The following ELP4 variants were observed in gnomAD, a reference collection of about 807,000 sequenced individuals.
ELP4 encodes elongator acetyltransferase complex subunit 4.
ELP4 carries 51 observed loss-of-function variants against 48.9 expected under a neutral mutation model. The observed-to-expected ratio is 1.04, with a 90% confidence interval of 0.83 to 1.32. The LOEUF (loss-of-function observed/expected upper bound fraction) is 1.32, where lower values mean the gene tolerates loss of function less well. Ranked by LOEUF, ELP4 falls within the 40% of genes most tolerant of loss-of-function variation. The pLI, the probability that ELP4 is intolerant of heterozygous loss-of-function variation, is 0.00. For missense variants in ELP4, 519 were observed against 514.6 expected (o/e 1.01, Z -0.08); for synonymous variants, 210 against 189.2 (o/e 1.11, Z -0.90).
In ELP4 at chr11:31,619,063, T is replaced by G. The variant is rs545514348; in HGVS notation, c.654-8047T>G. ...TTGGAGGCACTGAATTTTAGAAAAT[T>G]TAAGGGGTTTGGTGCAGAAAAATAG... On this transcript the variant is annotated intron_variant, in intron 5 of 9. Coordinates refer to ENST00000640961, the MANE Select transcript of ELP4 (RefSeq NM_019040.5). 3.9e-5 allele frequency among the ~76,000 whole-genome samples: 6 copies of G among 152,032 alleles called. No individual in the cohort carries two copies. In the East Asian group the frequency reaches 9.7e-4, roughly 25 times the overall value.
chr11:31,548,925 C>T (rs1184566333), intron 3 of ELP4, among the ~76,000 whole-genome samples: 5 of 152,036 alleles, frequency 3.3e-5, no homozygotes, highest in Non-Finnish European at 7.4e-5. Flanking sequence ...GGAAAACTGG[C>T]TAGCCATATG....
rs1592241356 is a variant in ELP4 at position 31,707,215 on chromosome 11, A to G, written c.1143+56994A>G. The G allele has an allele frequency of 7.8e-6, 3 of 382,542 alleles. No homozygotes were observed. The East Asian group carries it at 1.1e-4, about 14-fold the overall frequency. The allele number at this position is 382,542 out of a possible 1,614,324, so 23.7% of individuals were successfully genotyped here. On this transcript the variant is annotated intron_variant, in intron 9 of 9. Coordinates refer to ENST00000640961, the MANE Select transcript of ELP4 (RefSeq NM_019040.5). The stretch of plus-strand genomic sequence containing the variant: ...TCCCACCAACAGTGTAATACGTAAT[A>G]TTTAATACCAGATATATATAATTTC...
chr11:31,680,089 A>G (rs557634343), intron 9 of ELP4, among the ~76,000 whole-genome samples: 2 of 152,212 alleles, frequency 1.3e-5, no homozygotes, highest in East Asian at 1.9e-4. Flanking sequence ...CATTTCTACA[A>G]TCATAGAGGG....
chr11:31,673,829 T>C (rs1045172534), intron 9 of ELP4, among the ~76,000 whole-genome samples: 2 of 152,250 alleles, frequency 1.3e-5, no homozygotes, highest in Admixed American at 1.3e-4. Context: ...CTATATAATA[T>C]GATGCACTAG....
Position 31,706,613 on chromosome 11 carries a change from T to G in ELP4, c.1143+56392T>G, listed in dbSNP as rs1237320764. On this transcript the variant is annotated intron_variant, in intron 9 of 9. Coordinates refer to ENST00000640961, the MANE Select transcript of ELP4 (RefSeq NM_019040.5). ...TATTTAATTTAATTAATTTTATATA[T>G]TTATATATTTAATTCATATATTTTA... is the stretch of plus-strand genomic sequence containing the variant. Among the ~76,000 whole-genome samples the G allele has an allele frequency of 2.0e-5, 3 of 148,284 alleles. No individual in the cohort carries two copies. In the East Asian group the frequency reaches 5.8e-4, roughly 29 times the overall value.
chr11:31,753,406 C>G (rs534927003), intron 9 of ELP4, among the ~76,000 whole-genome samples: 1 of 152,038 alleles, frequency 6.6e-6, no homozygotes, highest in Non-Finnish European at 1.5e-5. Flanking sequence ...TTCCCTCTGC[C>G]TAGGACAATG....
At chr11:31,631,701 G>A (rs534236839) in intron 6 of ELP4, among the ~76,000 whole-genome samples, 2 of 152,162 alleles carry the variant, frequency 1.3e-5, no homozygotes, top group South Asian at 4.2e-4. Context: ...TTTAAGAGCA[G>A]CTTCAAGAAG....
chr11:31,537,000 A>T (rs1361779093), intron 2 of ELP4, among the ~76,000 whole-genome samples: 2 of 152,170 alleles, frequency 1.3e-5, no homozygotes, highest in African/African-American at 4.8e-5. Context: ...AGTTTAATTT[A>T]TTCATTTTTT....
rs538215040 is a variant in ELP4 at position 31,784,301 on chromosome 11, A to G, written c.*777A>G. Reference sequence around the variant, plus strand: ...ATTTTACAGAACATAGGTCTGAGACAAAGTGAAAAAATGAAACTAACTCAG... The same window carrying G: ...ATTTTACAGAACATAGGTCTGAGACGAAGTGAAAAAATGAAACTAACTCAG... On this transcript the variant is annotated 3_prime_UTR_variant, in exon 10 of 10. Transcript: ENST00000640961. 6 of 152,314 alleles carry G rather than the reference A, an allele frequency of 3.9e-5. No homozygotes were observed. In the East Asian group the frequency reaches 1.2e-3, roughly 29 times the overall value. The allele number at this position is 152,314 out of a possible 1,614,324, so 9.4% of individuals were successfully genotyped here.
At chr11:31,597,143 A>G (rs933779275) in intron 4 of ELP4, among the ~76,000 whole-genome samples, 1 of 152,234 alleles carries the variant, frequency 6.6e-6, no homozygotes, top group Non-Finnish European at 1.5e-5. Flanking sequence ...TATTTACATC[A>G]TGAATATATT....
At chr11:31,721,427 A>G (rs1946955917) in intron 9 of ELP4, among the ~76,000 whole-genome samples, 1 of 152,196 alleles carries the variant, frequency 6.6e-6, no homozygotes, top group African/African-American at 2.4e-5. Context: ...CACAAATAAC[A>G]TTAGTACTGT....
chr11:31,699,385 A>G (rs1946474507), intron 9 of ELP4, among the ~76,000 whole-genome samples: 1 of 152,192 alleles, frequency 6.6e-6, no homozygotes, highest in Non-Finnish European at 1.5e-5. Context: ...TGAGCATCGA[A>G]ATTAATAATG....
intron 9 of ELP4, among the ~76,000 whole-genome samples, chr11:31,708,299 A>T (rs1178659209): frequency 2.0e-5 from 3 of 152,162 alleles, no homozygotes; most frequent in African/African-American, 4.8e-5. Flanking sequence ...ATTTCATCTC[A>T]GATGGTTTTC....
chr11:31,516,558 C>T (rs1397377250), intron 1 of ELP4, among the ~76,000 whole-genome samples: 3 of 152,260 alleles, frequency 2.0e-5, no homozygotes, highest in South Asian at 4.2e-4. Context: ...TGCAGTGGTG[C>T]GAACGCTGCT....
At chr11:31,567,036 AT>A (rs34131198) in intron 3 of ELP4, among the ~76,000 whole-genome samples, 54,382 of 150,098 alleles carry the variant, frequency 0.36, 12,011 homozygotes, top group African/African-American at 0.62. Context: ...TTCTTTATTT[AT>A]TTTTTTTTTC....
chr11:31,711,128 C>T (rs1252656017), intron 9 of ELP4, among the ~76,000 whole-genome samples: 1 of 152,106 alleles, frequency 6.6e-6, no homozygotes, highest in Non-Finnish European at 1.5e-5. Context: ...TTATATTACG[C>T]TTGGATGATA....
chr11:31,538,872 G>A (rs1300093450), intron 2 of ELP4, among the ~76,000 whole-genome samples: 1 of 152,072 alleles, frequency 6.6e-6, no homozygotes, highest in Non-Finnish European at 1.5e-5. Context: ...CCTCTTTTCT[G>A]AAAAGAGTAC....
chr11:31,758,328 C>A (rs1026008433), intron 9 of ELP4, among the ~76,000 whole-genome samples: 1 of 152,066 alleles, frequency 6.6e-6, no homozygotes, highest in Non-Finnish European at 1.5e-5. Context: ...CATGTTCGTT[C>A]TTTATCATTC....
intron 5 of ELP4, among the ~76,000 whole-genome samples, chr11:31,609,491 A>G (rs12574177): frequency 0.27 from 41,263 of 151,806 alleles, 5,942 homozygotes; most frequent in African/African-American, 0.36. Context: ...GTAAGGCGGG[A>G]AAGAAATTCA....
Sources: gnomAD v4.1 joint callset for allele counts (sites outside exome capture counted in the v4.1 genomes callset) on GRCh38, gnomAD v4.1.1 for gene constraint, MANE v1.5 for transcripts, NCBI Gene and HGNC (gene_info 2026-07-23, HGNC 2026-07-21) for gene names.